SLC7A11: variants seen among roughly 807,000 people sequenced by gnomAD.
SLC7A11 encodes solute carrier family 7 member 11.
SLC7A11 carries 35 observed loss-of-function variants against 54.5 expected under a neutral mutation model. The observed-to-expected ratio is 0.64, with a 90% CI of 0.49 to 0.85. The LOEUF (loss-of-function observed/expected upper bound fraction) is 0.85. Ranked by LOEUF, SLC7A11 falls within the 40% of genes least tolerant of loss-of-function variation. The pLI, the probability that SLC7A11 is intolerant of heterozygous loss-of-function variation, is 0.00. For synonymous variants in SLC7A11, 230 were observed against 225.2 expected (o/e 1.02, Z -0.19); for missense variants, 583 against 618.1 (o/e 0.94, Z 0.60).
intron 11 of SLC7A11, chr4:138,174,727 C>T (rs1200589200): frequency 6.6e-6 from 1 of 152,132 alleles, no homozygotes; most frequent in Non-Finnish European, 1.5e-5. Flanking sequence ...ATAATCAACC[C>T]GCGGTACTCT....
chr4:138,219,293 T>TA lies in SLC7A11; in HGVS notation c.718dup (p.Tyr240LeufsTer18). On this transcript the variant is annotated frameshift_variant, in exon 5 of 12. Transcript: ENST00000280612. LOFTEE classifies it high-confidence loss of function. ...GCCAGCATATGCATACATTCCATAA[T>TA]AAAAAGCCAGTGGCAACCGCGTAAT... 6.2e-7 allele frequency: 1 copy of TA among 1,608,762 alleles called. No homozygotes were observed. Among genetic ancestry groups the TA allele is most frequent in the East Asian group, 2.2e-5 (1 of 44,818 alleles).
chr4:138,228,751 T>C (rs1578669430), intron 3 of SLC7A11, among the ~76,000 whole-genome samples: 1 of 73,000 alleles, frequency 1.4e-5, no homozygotes, highest in Non-Finnish European at 2.3e-5. Flanking sequence ...AGAGCAAGAC[T>C]CCGTCTCAAA....
Position 138,170,303 on chromosome 4 carries a change from CAT to C in SLC7A11, c.*1651_*1652del, listed in dbSNP as rs375433987. 0.4 allele frequency: 47,633 copies of C among 118,648 alleles called. 9,921 individuals carry two copies. Among genetic ancestry groups the C allele is most frequent in the Middle Eastern group, 0.43 (96 of 222 alleles). 7.3% of individuals were successfully genotyped at this position (118,648 alleles called of 1,614,324 possible). A position where few individuals can be genotyped will look rare whatever the true frequency, so the allele number is the denominator to read the frequency against. ...ACACACACACACACACATACACACA[CAT>C]ATATATATATATATAATCTTTTTTT... is the stretch of plus-strand genomic sequence containing the variant. On this transcript the variant is annotated 3_prime_UTR_variant, in exon 12 of 12. Transcript: ENST00000280612.
chr4:138,190,102 G>A (rs1217750140), intron 6 of SLC7A11, among the ~76,000 whole-genome samples: 1 of 152,146 alleles, frequency 6.6e-6, no homozygotes, highest in Non-Finnish European at 1.5e-5. Context: ...ATCTAAGCTT[G>A]TCTTTGTGCT....
intron 6 of SLC7A11, among the ~76,000 whole-genome samples, chr4:138,210,230 C>T (rs750811804): frequency 6.6e-6 from 1 of 151,800 alleles, no homozygotes; most frequent in Non-Finnish European, 1.5e-5. Context: ...TCTTTGATCA[C>T]ATACAAAACT....
chr4:138,241,731 C>T, intron 1 of SLC7A11, 62 bp downstream of exon 1: 7 of 1,344,642 alleles, frequency 5.2e-6, no homozygotes, highest in Non-Finnish European at 7.4e-6. Context: ...CATTTGCTTT[C>T]CCAGAAAGCA....
chr4:138,235,429 A>C (rs528531976), intron 2 of SLC7A11, among the ~76,000 whole-genome samples: 2 of 152,066 alleles, frequency 1.3e-5, no homozygotes, highest in African/African-American at 4.8e-5. Context: ...GACTTCTAAC[A>C]CTGTAAAACT....
intron 2 of SLC7A11, among the ~76,000 whole-genome samples, 180 bp downstream of exon 2, chr4:138,236,145 A>G (rs1005599453): frequency 3.3e-5 from 5 of 152,206 alleles, no homozygotes; most frequent in African/African-American, 1.2e-4. Flanking sequence ...CAGTGATAAA[A>G]TTGCATTAAA....
At chr4:138,209,229 C>T (rs1737483164) in intron 6 of SLC7A11, among the ~76,000 whole-genome samples, 1 of 151,768 alleles carries the variant, frequency 6.6e-6, no homozygotes, top group African/African-American at 2.4e-5. Flanking sequence ...TGGAGGAAGA[C>T]CATAAAGGGT....
chr4:138,197,299 T>G (rs375674752), intron 6 of SLC7A11, among the ~76,000 whole-genome samples: 7 of 152,070 alleles, frequency 4.6e-5, no homozygotes, highest in African/African-American at 1.7e-4. Context: ...CCATTAACAT[T>G]TTGGCATTTG....
intron 2 of SLC7A11, 30 bp from the exon 3 acceptor site, chr4:138,232,412 C>A: frequency 1.5e-6 from 2 of 1,291,706 alleles, no homozygotes; most frequent in Non-Finnish European, 2.2e-6. Flanking sequence ...TTTAGGTTAA[C>A]CACAGGGGAA....
At chr4:138,223,728 G>A (rs1666291354) in intron 3 of SLC7A11, among the ~76,000 whole-genome samples, 1 of 152,058 alleles carries the variant, frequency 6.6e-6, no homozygotes, top group Non-Finnish European at 1.5e-5. Context: ...TCTCTATGAT[G>A]GTATGCCTGC....
intron 4 of SLC7A11, 57 bp from the exon 5 acceptor site, chr4:138,219,422 C>T: frequency 2.0e-6 from 2 of 1,009,314 alleles, no homozygotes; most frequent in East Asian, 2.4e-5. Flanking sequence ...CTTATTCACT[C>T]TTAACCAGAA....
intron 6 of SLC7A11, among the ~76,000 whole-genome samples, chr4:138,196,735 C>T (rs7699450): frequency 6.6e-6 from 1 of 152,066 alleles, no homozygotes; most frequent in African/African-American, 2.4e-5. Context: ...TCTCGGCTCA[C>T]TGCAACCTTC....
At position 138,182,407 on chromosome 4, in the gene SLC7A11, A is replaced by G; in HGVS notation, c.1020-14T>C. The G allele has an allele frequency of 6.7e-7, 1 of 1,497,480 alleles. No homozygotes were observed. The highest frequency in any genetic ancestry group is 9.3e-7 in the Non-Finnish European group (1 of 1,074,498). The allele number at this position is 1,497,480 out of a possible 1,614,324, so 92.8% of individuals were successfully genotyped here. ...ACATAGAATAACCTGATGGGAGAGAAATGTGGGTGGAGTTGACTGTATGAT... is the reference window on the plus strand; with the variant it reads ...ACATAGAATAACCTGATGGGAGAGAGATGTGGGTGGAGTTGACTGTATGAT... On this transcript the variant is annotated splice_polypyrimidine_tract_variant and intron_variant, in intron 8 of 11. Transcript: ENST00000280612.
chr4:138,201,999 T>C (rs1303970656), intron 6 of SLC7A11, among the ~76,000 whole-genome samples: 1 of 152,132 alleles, frequency 6.6e-6, no homozygotes, highest in Non-Finnish European at 1.5e-5. Flanking sequence ...TGTCTAATAC[T>C]GAAATGTAGC....
intron 11 of SLC7A11, chr4:138,176,926 A>T (rs981369368): frequency 1.3e-5 from 2 of 152,186 alleles, no homozygotes; most frequent in African/African-American, 4.8e-5. Flanking sequence ...ACTTAAAAAT[A>T]TTCCACAGAA....
intron 4 of SLC7A11, among the ~76,000 whole-genome samples, chr4:138,222,861 A>G (rs1560736015): frequency 7.7e-6 from 1 of 130,406 alleles, no homozygotes; most frequent in Non-Finnish European, 1.6e-5. Flanking sequence ...GGACAATTTT[A>G]AAGTAAAAAA....
intron 6 of SLC7A11, among the ~76,000 whole-genome samples, chr4:138,212,365 C>A (rs1027123429): frequency 2.0e-5 from 3 of 151,782 alleles, no homozygotes; most frequent in South Asian, 2.1e-4. Context: ...GTAGTAATGA[C>A]AACCAAACAA....
Sources: gnomAD v4.1 joint callset for allele counts (sites outside exome capture counted in the v4.1 genomes callset) on GRCh38, gnomAD v4.1.1 for gene constraint, MANE v1.5 for transcripts, NCBI Gene and HGNC (gene_info 2026-07-23, HGNC 2026-07-21) for gene names.